Variants in FAM107B observed in about 807,000 individuals in gnomAD.
The protein encoded by FAM107B is family with sequence similarity 107 member B.
Under a neutral mutation model 31.5 loss-of-function variants are expected in FAM107B, and 21 were observed. The ratio of observed to expected loss-of-function variants is 0.67; its 90% confidence interval spans 0.47 to 0.96. FAM107B has a LOEUF of 0.96. Among genes scored for constraint, FAM107B ranks in the 40% least tolerant of loss-of-function variants. The pLI is 0.00. For missense variants in FAM107B, 452 were observed against 377.1 expected (o/e 1.20, Z -1.64); for synonymous variants, 157 against 141.5 (o/e 1.11, Z -0.78).
intron 2 of FAM107B, among the ~76,000 whole-genome samples, chr10:14,617,679 C>T (rs552134221): frequency 6.7e-6 from 1 of 148,882 alleles, no homozygotes; most frequent in South Asian, 2.1e-4. Context: ...GAAGAAAGGA[C>T]ACTGCTGCAT....
intron 3 of FAM107B, chr10:14,530,100 C>T (rs1019893805): frequency 2.5e-5 from 11 of 441,946 alleles, no homozygotes; most frequent in African/African-American, 1.6e-4. Context: ...GAAGGGAACC[C>T]GTGACTGCAG....
At chr10:14,768,254 T>C (rs1256887512) in intron 1 of FAM107B, among the ~76,000 whole-genome samples, 1 of 152,130 alleles carries the variant, frequency 6.6e-6, no homozygotes, top group Non-Finnish European at 1.5e-5. Context: ...GCAACCCCTA[T>C]CAAAATCTCA....
chr10:14,620,017 C>CTTTTTTTTTTTTT (rs71388190), intron 2 of FAM107B, among the ~76,000 whole-genome samples: 1 of 83,900 alleles, frequency 1.2e-5, no homozygotes, highest in African/African-American at 4.5e-5. Context: ...TTCTTTCTTT[C>CTTTTTTTTTTTTT]TTTTTTTTTT....
intron 2 of FAM107B, among the ~76,000 whole-genome samples, chr10:14,663,875 T>C (rs1854328747): frequency 1.1e-5 from 1 of 88,416 alleles, no homozygotes; most frequent in Non-Finnish European, 2.0e-5. Context: ...GCCCAAGAAT[T>C]AGATCATCAG....
At chr10:14,738,353 C>T (rs1212853467) in intron 1 of FAM107B, among the ~76,000 whole-genome samples, 3 of 152,170 alleles carry the variant, frequency 2.0e-5, no homozygotes, top group Non-Finnish European at 2.9e-5. Flanking sequence ...TCTAGGTCAC[C>T]ACTGAGCTCA....
At chr10:14,615,251 C>A (rs1286214406) in intron 2 of FAM107B, among the ~76,000 whole-genome samples, 1 of 152,062 alleles carries the variant, frequency 6.6e-6, no homozygotes, top group Non-Finnish European at 1.5e-5. Context: ...ACCACTTGAA[C>A]CTGGGAGGTG....
At position 14,607,470 on chromosome 10, in the gene FAM107B, G is replaced by A. The variant is rs188515745; in HGVS notation, c.469+60164C>T. Among the ~76,000 whole-genome samples, 136 of 152,280 alleles carry A rather than the reference G, an allele frequency of 8.9e-4. 1 individual carries two copies. The highest frequency in any genetic ancestry group is 3.1e-4 in the Non-Finnish European group (21 of 68,022). Reference sequence around the variant, plus strand: ...AAACTCAAAGGTTATGAGCTATGGTGATATTTCCATTTGTATCCATACCAT... The same window carrying A: ...AAACTCAAAGGTTATGAGCTATGGTAATATTTCCATTTGTATCCATACCAT... On this transcript the variant is annotated intron_variant, in intron 2 of 4. Transcript: ENST00000181796.
intron 1 of FAM107B, among the ~76,000 whole-genome samples, chr10:14,682,386 G>A (rs927851622): frequency 6.6e-6 from 1 of 152,070 alleles, no homozygotes; most frequent in African/African-American, 2.4e-5. Context: ...AAAATTAGCT[G>A]GGCTTGGTGG....
chr10:14,728,625 T>C (rs1046588188), intron 1 of FAM107B, among the ~76,000 whole-genome samples: 1 of 152,180 alleles, frequency 6.6e-6, no homozygotes, highest in Non-Finnish European at 1.5e-5. Flanking sequence ...TGTTTCCCTC[T>C]TACCGCATGG....
chr10:14,738,818 T>G (rs759671632), intron 1 of FAM107B, among the ~76,000 whole-genome samples: 11 of 152,238 alleles, frequency 7.2e-5, no homozygotes, highest in Non-Finnish European at 1.2e-4. Flanking sequence ...GTAACACTAG[T>G]TGCCGTCTGT....
At chr10:14,664,077 C>T (rs1259631938) in intron 2 of FAM107B, among the ~76,000 whole-genome samples, 5 of 152,152 alleles carry the variant, frequency 3.3e-5, no homozygotes, top group Admixed American at 6.6e-5. Context: ...TTCCTGGATT[C>T]CTCCAGCTGG....
intron 2 of FAM107B, among the ~76,000 whole-genome samples, chr10:14,531,947 G>A (rs1042586963): frequency 6.6e-6 from 1 of 152,152 alleles, no homozygotes; most frequent in African/African-American, 2.4e-5. Context: ...TCAGGCTTAA[G>A]TAAGTCCTCA....
intron 2 of FAM107B, among the ~76,000 whole-genome samples, chr10:14,634,399 CAA>C (rs59139195): frequency 0.26 from 30,603 of 116,206 alleles, 3,322 homozygotes; most frequent in East Asian, 0.53. Flanking sequence ...GACTCTGTCT[CAA>C]AAAAAAAAAA....
At chr10:14,612,289 C>T (rs763616347) in intron 2 of FAM107B, among the ~76,000 whole-genome samples, 1 of 152,152 alleles carries the variant, frequency 6.6e-6, no homozygotes, top group Non-Finnish European at 1.5e-5. Flanking sequence ...AACTAAAATC[C>T]TAACTAATGT....
At chr10:14,559,675 T>C (rs1453020298) in intron 2 of FAM107B, among the ~76,000 whole-genome samples, 1 of 151,502 alleles carries the variant, frequency 6.6e-6, no homozygotes, top group Admixed American at 6.6e-5. Flanking sequence ...GTTCACGTGA[T>C]TCTCCTGCCT....
chr10:14,762,627 A>T (rs1430533189), intron 1 of FAM107B, among the ~76,000 whole-genome samples: 1 of 152,030 alleles, frequency 6.6e-6, no homozygotes, highest in African/African-American at 2.4e-5. Flanking sequence ...ATGGTTGCAC[A>T]CACCTGTAAT....
At chr10:14,551,423 G>A (rs1849251744) in intron 2 of FAM107B, among the ~76,000 whole-genome samples, 1 of 152,148 alleles carries the variant, frequency 6.6e-6, no homozygotes. Context: ...GGGATTACAG[G>A]TGTGCGCCAC....
intron 1 of FAM107B, among the ~76,000 whole-genome samples, chr10:14,697,860 C>G (rs911710391): frequency 2.0e-5 from 3 of 152,198 alleles, no homozygotes; most frequent in African/African-American, 7.2e-5. Context: ...CATGGTGGCT[C>G]AGGCCTGTAA....
intron 1 of FAM107B, among the ~76,000 whole-genome samples, chr10:14,744,812 GT>G (rs1349064169): frequency 6.6e-6 from 1 of 151,768 alleles, no homozygotes; most frequent in East Asian, 1.9e-4. Context: ...GTTTTCAATT[GT>G]TTGGAATTGT....
Sources: allele counts gnomAD v4.1 joint callset (sites outside exome capture counted in the v4.1 genomes callset), GRCh38; gene constraint gnomAD v4.1.1; transcripts MANE v1.5; gene names NCBI Gene and HGNC (gene_info 2026-07-23, HGNC 2026-07-21).